PCDHGA2: variants seen among roughly 807,000 people sequenced by gnomAD.
The protein encoded by PCDHGA2 is protocadherin gamma subfamily A, 2, also known as protocadherin gamma-A2.
A neutral mutation model predicts 59.2 loss-of-function variants in PCDHGA2; 40 were observed. That is an observed-to-expected ratio of 0.68 (90% CI 0.52 to 0.88). PCDHGA2 has a LOEUF of 0.88. Ranked by LOEUF, PCDHGA2 falls within the 40% of genes least tolerant of loss-of-function variation. The pLI is 0.00. For missense variants in PCDHGA2, 1,226 were observed against 1,204.0 expected, an observed-to-expected ratio of 1.02 and a Z score of -0.27; for synonymous variants, 560 against 526.0, an observed-to-expected ratio of 1.06 and a Z score of -0.89.
chr5:141,402,901 T>TG, intron 1 of PCDHGA2: 1 of 1,520,230 alleles, frequency 6.6e-7, no homozygotes, highest in Non-Finnish European at 8.8e-7. Context: ...AAGAACCTGA[T>TG]GAAGCAGCGC....
chr5:141,372,523 C>G, intron 1 of PCDHGA2: 1 of 1,614,018 alleles, frequency 6.2e-7, no homozygotes, highest in Non-Finnish European at 8.5e-7. Flanking sequence ...GTGATTCTGG[C>G]AATCTCCCTG....
At chr5:141,423,533 T>C (rs2096751691) in intron 1 of PCDHGA2, 1 of 1,613,650 alleles carries the variant, frequency 6.2e-7, no homozygotes, top group Non-Finnish European at 8.5e-7. Flanking sequence ...AAGAGTCACC[T>C]GATTTTCCCC....
At chr5:141,367,332 A>T (rs957450702) in intron 1 of PCDHGA2, 3 of 152,294 alleles carry the variant, frequency 2.0e-5, no homozygotes, top group African/African-American at 4.8e-5. Flanking sequence ...AGGTCAGGAG[A>T]TCGAGACCAT....
intron 1 of PCDHGA2, among the ~76,000 whole-genome samples, chr5:141,346,748 A>G (rs1247311192): frequency 6.6e-6 from 1 of 152,222 alleles, no homozygotes; most frequent in African/African-American, 2.4e-5. Flanking sequence ...ACTATTTGAA[A>G]TTGTGACTGC....
Position 141,485,243 on chromosome 5 carries a change from C to A in PCDHGA2, c.2425-9564C>A. ...TACCCTTTTGTTCCTCTTTTACCACCTGGGTTACGTTTGTGGGCAGATCCG... is the reference window on the plus strand; with the variant it reads ...TACCCTTTTGTTCCTCTTTTACCACATGGGTTACGTTTGTGGGCAGATCCG... On this transcript the variant is annotated intron_variant, in intron 1 of 3. Transcript: ENST00000394576. This position sits in a 1 kb window ranked among gnomAD's most constrained non-coding sequence, Gnocchi z 5.7. 1 of 1,614,180 alleles carries A rather than the reference C, an allele frequency of 6.2e-7. No homozygotes were observed. The highest frequency in any genetic ancestry group is 8.5e-7 in the Non-Finnish European group (1 of 1,180,000).
At chr5:141,418,692 C>T in intron 1 of PCDHGA2, 5 of 1,614,032 alleles carry the variant, frequency 3.1e-6, no homozygotes, top group Non-Finnish European at 4.2e-6. Flanking sequence ...TCAGAGATCA[C>T]TTATTCCTTC....
chr5:141,347,082 TCCTC>T (rs1561493201), intron 1 of PCDHGA2, among the ~76,000 whole-genome samples: 16 of 149,544 alleles, frequency 1.1e-4, no homozygotes, highest in Admixed American at 9.9e-4. Flanking sequence ...TCTCTCTCTT[TCCTC>T]CTTCCTTCCT....
At chr5:141,439,898 C>A (rs1428014089) in intron 1 of PCDHGA2, 2 of 152,344 alleles carry the variant, frequency 1.3e-5, no homozygotes, top group African/African-American at 4.8e-5. Flanking sequence ...ACCAAGGCGA[C>A]TACTGCCTCC....
intron 1 of PCDHGA2, chr5:141,413,249 G>A (rs756270877): frequency 6.8e-6 from 11 of 1,613,832 alleles, no homozygotes; most frequent in Non-Finnish European, 9.3e-6. Flanking sequence ...CTTTTCTTCG[G>A]GATTCCATGG....
chr5:141,365,053 G>A, intron 1 of PCDHGA2: 1 of 1,613,802 alleles, frequency 6.2e-7, no homozygotes, highest in African/African-American at 1.3e-5. Flanking sequence ...ATGCGCCCCT[G>A]TTCACCCCAT....
chr5:141,348,499 A>G (rs187929904), intron 1 of PCDHGA2, among the ~76,000 whole-genome samples: 1 of 152,220 alleles, frequency 6.6e-6, no homozygotes, highest in Admixed American at 6.5e-5. Flanking sequence ...AAAAAAATTA[A>G]TTAGCTGTGT....
intron 1 of PCDHGA2, among the ~76,000 whole-genome samples, chr5:141,368,127 A>T (rs1013357793): frequency 1.3e-5 from 2 of 152,200 alleles, no homozygotes; most frequent in Non-Finnish European, 2.9e-5. Context: ...AATATTCTTA[A>T]TCCTTCAAAT....
rs113648128 is a variant in PCDHGA2, at chr5:141,491,811, C to T, written c.2425-2996C>T. ...CACTCCTCTCCGGCCGGCTTGGTCG[C>T]TGGCTGCGCTCCACCCGATTCTCGG... On this transcript the variant is annotated intron_variant, in intron 1 of 3. Transcript: ENST00000394576. The surrounding 1 kb of genome is among the most constrained non-coding windows in gnomAD (Gnocchi z 6.9). 6.7e-7 allele frequency: 1 copy of T among 1,487,262 alleles called. No homozygotes were observed. The highest frequency in any genetic ancestry group is 1.4e-5 in the African/African-American group (1 of 70,544). 92.1% of individuals were successfully genotyped at this position (1,487,262 alleles called of 1,614,324 possible).
intron 1 of PCDHGA2, chr5:141,479,217 A>G (rs1433108919): frequency 1.3e-5 from 2 of 152,400 alleles, no homozygotes; most frequent in Non-Finnish European, 2.9e-5. Context: ...TTAAAAAATT[A>G]AAACTATAAT....
chr5:141,356,106 A>G, intron 1 of PCDHGA2: 3 of 1,613,884 alleles, frequency 1.9e-6, no homozygotes, highest in Non-Finnish European at 2.5e-6. Context: ...GGGATATAAC[A>G]ATATTGGGGG....
At chr5:141,418,901 A>G in intron 1 of PCDHGA2, 1 of 1,614,016 alleles carries the variant, frequency 6.2e-7, no homozygotes, top group East Asian at 2.2e-5. Context: ...CCCAGAAATA[A>G]TCATCACGTC....
chr5:141,421,149 C>T (rs1030911066), intron 1 of PCDHGA2: 1 of 1,086,106 alleles, frequency 9.2e-7, no homozygotes, highest in Non-Finnish European at 1.3e-6. Context: ...ATGTAGTCGG[C>T]CTAGGACTTC....
chr5:141,393,577 T>C (rs781192019), intron 1 of PCDHGA2: 1 of 1,613,890 alleles, frequency 6.2e-7, no homozygotes, highest in Admixed American at 1.7e-5. Flanking sequence ...CTTGAGAACA[T>C]GCCCCCAGGC....
intron 1 of PCDHGA2, chr5:141,382,906 G>A (rs1778564792): frequency 6.5e-7 from 1 of 1,544,848 alleles, no homozygotes; most frequent in Non-Finnish European, 8.7e-7. Context: ...GACTATGGCG[G>A]CTCAGCCGAG....
Sources: gnomAD v4.1 joint callset for allele counts (sites outside exome capture counted in the v4.1 genomes callset) on GRCh38, gnomAD v4.1.1 for gene constraint, Gnocchi (gnomAD v3.1) non-coding constraint, MANE v1.5 for transcripts, NCBI Gene and HGNC (gene_info 2026-07-23, HGNC 2026-07-21) for gene names.